The following SIRT2 variants were observed in gnomAD, a reference collection of about 807,000 sequenced individuals.
SIRT2 encodes NAD-dependent protein deacetylase sirtuin-2.
Under a neutral mutation model 57.4 loss-of-function variants are expected in SIRT2, and 40 were observed. The observed-to-expected ratio is 0.70, with a 90% confidence interval of 0.54 to 0.91. The LOEUF is 0.91. Ranked by LOEUF, SIRT2 falls within the 40% of genes least tolerant of loss-of-function variation. The pLI is 0.00. For missense variants in SIRT2, 439 were observed against 510.4 expected, an observed-to-expected ratio of 0.86 and a Z score of 1.35; for synonymous variants, 161 against 195.7, an observed-to-expected ratio of 0.82 and a Z score of 1.48.
chr19:38,898,307 C>T, intron 2 of SIRT2, 72 bp downstream of exon 2: 2 of 1,212,442 alleles, frequency 1.6e-6, no homozygotes, highest in Non-Finnish European at 2.2e-6. Flanking sequence ...TTCCCCTTTG[C>T]CACCTCCCCC....
chr19:38,883,993 C>A (rs1019440944), intron 8 of SIRT2, among the ~76,000 whole-genome samples: 3 of 151,776 alleles, frequency 2.0e-5, no homozygotes, highest in Non-Finnish European at 4.4e-5. Context: ...CTGGGCATGG[C>A]GGCTCACGCC....
chr19:38,887,147 C>T (rs1973368362), intron 8 of SIRT2, among the ~76,000 whole-genome samples: 1 of 152,066 alleles, frequency 6.6e-6, no homozygotes, highest in Non-Finnish European at 1.5e-5. Flanking sequence ...ACAGCACCCC[C>T]TTTCCCGAAC....
chr19:38,881,432 CA>C lies in SIRT2; in HGVS notation c.690del (p.Asp231IlefsTer22). 1.2e-6 allele frequency: 2 copies of C among 1,613,972 alleles called. No homozygotes were observed. Among genetic ancestry groups the C allele is most frequent in the Non-Finnish European group, 1.7e-6 (2 of 1,179,924 alleles). Reference sequence around the variant, plus strand: ...GGCAGGTCCCTGGCCAGAGGCTCACCAGGCTTCACCAGGCTCTGACAGTCTT... The same window carrying C: ...GGCAGGTCCCTGGCCAGAGGCTCACCGGCTTCACCAGGCTCTGACAGTCTT... ...KCEDCQSLVK[P>X]DIVFFGESLP... On this transcript the variant is annotated frameshift_variant and splice_region_variant, in exon 10 of 16. Transcript: ENST00000249396. LOFTEE classifies it high-confidence loss of function.
rs569128269 is a variant in SIRT2, at chr19:38,880,984, G to A, written c.748-87C>T. On this transcript the variant is annotated intron_variant, in intron 11 of 15. Coordinates refer to ENST00000249396, the MANE Select transcript of SIRT2 (RefSeq NM_012237.4). This position sits in a 1 kb window ranked among gnomAD's most constrained non-coding sequence, Gnocchi z 4.1. ...GCCCCCAGCAGCAAACCTCCCTGCCGCCCCCCATAGCTGGGGAGGTGACCT... is the reference window on the plus strand; with the variant it reads ...GCCCCCAGCAGCAAACCTCCCTGCCACCCCCCATAGCTGGGGAGGTGACCT... The A allele has an allele frequency of 3.1e-5, 47 of 1,533,048 alleles. No individual in the cohort carries two copies. Among genetic ancestry groups the A allele is most frequent in the Admixed American group, 3.0e-4 (17 of 57,098 alleles). The allele number at this position is 1,533,048 out of a possible 1,614,324, so 95.0% of individuals were successfully genotyped here. A position where few individuals can be genotyped will look rare whatever the true frequency, so the allele number is the denominator to read the frequency against.
chr19:38,893,927 G>C, intron 2 of SIRT2, 60 bp from the exon 3 acceptor site: 1 of 1,609,710 alleles, frequency 6.2e-7, no homozygotes, highest in East Asian at 2.2e-5. Flanking sequence ...GGGAGGAGAG[G>C]GGGTGATACC....
intron 2 of SIRT2, among the ~76,000 whole-genome samples, chr19:38,897,241 C>T (rs1357715123): frequency 1.3e-5 from 2 of 152,134 alleles, no homozygotes; most frequent in African/African-American, 2.4e-5. Flanking sequence ...ATGCTAACCA[C>T]GACTATAACA....
rs1246756214 is a variant in SIRT2 at position 38,889,681 on chromosome 19, G to C, written c.432+8C>G. ...CCTGTTTCGCCCCCTGCAAAACAAA[G>C]ATCTCACCTTGAACTGCCCAGGATA... On this transcript the variant is annotated splice_region_variant and intron_variant, in intron 7 of 15. Coordinates refer to ENST00000249396, the MANE Select transcript of SIRT2 (RefSeq NM_012237.4). 6.2e-7 allele frequency: 1 copy of C among 1,613,888 alleles called. No homozygotes were observed. Among genetic ancestry groups the C allele is most frequent in the Non-Finnish European group, 8.5e-7 (1 of 1,180,012 alleles).
intron 8 of SIRT2, 145 bp downstream of exon 8, chr19:38,888,942 G>T: frequency 1.5e-6 from 1 of 684,556 alleles, no homozygotes; most frequent in South Asian, 1.7e-5. Context: ...AGGTCATGCA[G>T]CAAGGAGGCA....
intron 3 of SIRT2, 142 bp downstream of exon 3, chr19:38,893,677 C>G: frequency 8.0e-7 from 1 of 1,246,556 alleles, no homozygotes; most frequent in Non-Finnish European, 1.1e-6. Flanking sequence ...CAGGAGCCTG[C>G]TCTGGCACTG....
At position 38,880,877 on chromosome 19, in the gene SIRT2, G is replaced by C. The variant is rs148947116; in HGVS notation, c.768C>G (p.Leu256=). Residue 256 remains leucine, a synonymous_variant, in exon 12 of 16, where the codon CTC becomes CTG. Transcript: ENST00000249396. This position sits in a 1 kb window ranked among gnomAD's most constrained non-coding sequence, Gnocchi z 4.1. ...GCAAGGAGGTACCCATGACCAGGAG[G>C]AGGTCCACCTTCAGGAAGTCCTGCG... ...CMQSDFLKVD[L]LLVMGTSLQV... 6.9e-5 allele frequency: 111 copies of C among 1,613,752 alleles called. 1 individual carries two copies. In the Middle Eastern group the frequency reaches 1.0e-3, roughly 15 times the overall value.
chr19:38,889,225 A>G (rs529899024), intron 7 of SIRT2, 70 bp from the exon 8 acceptor site: 1 of 1,433,828 alleles, frequency 7.0e-7, no homozygotes, highest in Non-Finnish European at 9.8e-7. Flanking sequence ...GCATGCCAGG[A>G]ACTGTTCTAG....
chr19:38,884,535 G>C (rs538933852), intron 8 of SIRT2, among the ~76,000 whole-genome samples: 29 of 151,948 alleles, frequency 1.9e-4, no homozygotes, highest in Admixed American at 3.3e-4. Flanking sequence ...TGCAACCTCT[G>C]ACTCCCAGGT....
intron 11 of SIRT2, 67 bp downstream of exon 11, chr19:38,881,033 C>A: frequency 6.4e-7 from 1 of 1,556,946 alleles, no homozygotes; most frequent in East Asian, 2.3e-5. Flanking sequence ...GCCCAGGCTG[C>A]CCCCATGGGG....
rs1167632524 is a variant in SIRT2, at chr19:38,890,216, C to A, written c.227-72G>T. 4.6e-6 allele frequency: 7 copies of A among 1,508,806 alleles called. No individual in the cohort carries two copies. The East Asian group carries it at 1.6e-4, about 34-fold the overall frequency. 93.5% of individuals were successfully genotyped at this position (1,508,806 alleles called of 1,614,324 possible). ...CCTACGATAGCACCACCCATCACAG[C>A]CCCTGACATCGTTTACTCCATGCCA... is the stretch of plus-strand genomic sequence containing the variant. On this transcript the variant is annotated intron_variant, in intron 4 of 15. Coordinates refer to ENST00000249396, the MANE Select transcript of SIRT2 (RefSeq NM_012237.4).
chr19:38,887,695 A>T (rs1344114360), intron 8 of SIRT2, among the ~76,000 whole-genome samples: 1 of 152,190 alleles, frequency 6.6e-6, no homozygotes, highest in Non-Finnish European at 1.5e-5. Flanking sequence ...GCCAAACTGC[A>T]GGTACAGGGA....
At chr19:38,887,630 C>G (rs1196522636) in intron 8 of SIRT2, among the ~76,000 whole-genome samples, 2 of 152,200 alleles carry the variant, frequency 1.3e-5, no homozygotes, top group Non-Finnish European at 2.9e-5. Flanking sequence ...CCTGAGAAAT[C>G]TGAACTTAAA....
intron 13 of SIRT2, chr19:38,879,951 G>A (rs576161196): frequency 3.2e-5 from 16 of 507,014 alleles, no homozygotes; most frequent in African/African-American, 5.8e-5. Context: ...TCAACCTCCC[G>A]AGTAGCCTGG....
intron 13 of SIRT2, 62 bp from the exon 14 acceptor site, chr19:38,879,764 C>T (rs1973078044): frequency 3.1e-6 from 4 of 1,304,392 alleles, no homozygotes; most frequent in Non-Finnish European, 4.3e-6. Flanking sequence ...AGCACAGACC[C>T]TGGAGCCAGG....
In SIRT2 at chr19:38,879,090, G is replaced by T; in HGVS notation, c.*65C>A. Reference sequence around the variant, plus strand: ...GACAAGAACTGCTGGTTAAGAGGGGGCCAGGCCCGGTTGGGGCTCAGCTGT... The same window carrying T: ...GACAAGAACTGCTGGTTAAGAGGGGTCCAGGCCCGGTTGGGGCTCAGCTGT... On this transcript the variant is annotated 3_prime_UTR_variant, in exon 16 of 16. Transcript: ENST00000249396. 2 of 1,484,844 alleles carry T rather than the reference G, an allele frequency of 1.3e-6. No individual in the cohort carries two copies. The highest frequency in any genetic ancestry group is 1.4e-5 in the South Asian group (1 of 71,416). 92.0% of individuals were successfully genotyped at this position (1,484,844 alleles called of 1,614,324 possible).
Sources: gnomAD v4.1 joint callset for allele counts (sites outside exome capture counted in the v4.1 genomes callset) on GRCh38, gnomAD v4.1.1 for gene constraint, Gnocchi (gnomAD v3.1) non-coding constraint, MANE v1.5 for transcripts, NCBI Gene and HGNC (gene_info 2026-07-23, HGNC 2026-07-21) for gene names.